COL21A1: variants seen among roughly 807,000 people sequenced by gnomAD.
COL21A1 encodes collagen type XXI alpha 1 chain.
In COL21A1, 149 loss-of-function variants were observed where a neutral mutation model predicts 137.9. The ratio of observed to expected loss-of-function variants is 1.08; its 90% CI spans 0.95 to 1.24. The LOEUF is 1.24. Ranked by LOEUF, COL21A1 falls within the 50% of genes most tolerant of loss-of-function variation. The pLI is 0.00. For missense variants in COL21A1, 1,167 were observed against 1,158.4 expected (o/e 1.01, Z -0.11); for synonymous variants, 456 against 391.5 (o/e 1.16, Z -1.95).
intron 9 of COL21A1, among the ~76,000 whole-genome samples, chr6:56,157,315 T>TC (rs1327113379): frequency 9.3e-4 from 137 of 147,544 alleles, no homozygotes; most frequent in Admixed American, 1.6e-3. Flanking sequence ...GACTTTTTTT[T>TC]TTTTTTTTTT....
intron 1 of COL21A1, chr6:56,331,732 T>G (rs761143580): frequency 6.6e-6 from 1 of 152,144 alleles, no homozygotes; most frequent in Non-Finnish European, 1.5e-5. Flanking sequence ...AGCCTTATTC[T>G]TTTTGTTTAG....
chr6:56,376,216 G>A (rs1017919081), intron 1 of COL21A1, among the ~76,000 whole-genome samples: 8 of 152,170 alleles, frequency 5.3e-5, no homozygotes, highest in Admixed American at 2.6e-4. Context: ...CTTAAGATAA[G>A]GATTAAAACC....
chr6:56,235,009 C>A (rs1490524344), intron 1 of COL21A1, among the ~76,000 whole-genome samples: 3 of 151,854 alleles, frequency 2.0e-5, no homozygotes, highest in African/African-American at 7.2e-5. Context: ...CGCACCTAAA[C>A]CTTCCATTCC....
intron 1 of COL21A1, among the ~76,000 whole-genome samples, chr6:56,229,860 C>A (rs949015439): frequency 6.6e-6 from 1 of 151,834 alleles, no homozygotes; most frequent in African/African-American, 2.4e-5. Context: ...CCTATAAGTA[C>A]AAATTCATCC....
chr6:56,214,377 A>C (rs1450541495), intron 1 of COL21A1, among the ~76,000 whole-genome samples: 4 of 152,130 alleles, frequency 2.6e-5, no homozygotes, highest in Non-Finnish European at 5.9e-5. Context: ...ATCTCACTGA[A>C]TTGAATACAT....
At chr6:56,332,454 C>T (rs1700408522) in intron 1 of COL21A1, among the ~76,000 whole-genome samples, 2 of 143,192 alleles carry the variant, frequency 1.4e-5, no homozygotes, top group Non-Finnish European at 3.0e-5. Context: ...GTGGTTGAAT[C>T]TAGCTGCAAC....
At position 56,148,286 on chromosome 6, in the gene COL21A1, A is replaced by C. The variant is rs181626531; in HGVS notation, c.1435-6303T>G. ...GCAATAAACTGCCCAAGGGTAGGAT[A>C]GTTCATTTGTAGTAAATGGTTCATA... On this transcript the variant is annotated intron_variant, in intron 10 of 29. Coordinates refer to ENST00000244728, the MANE Select transcript of COL21A1 (RefSeq NM_030820.4). Among the ~76,000 whole-genome samples the C allele has an allele frequency of 1.2e-3, 185 of 150,164 alleles. 3 individuals carry two copies. Among genetic ancestry groups the C allele is most frequent in the African/African-American group, 4.2e-3 (173 of 40,944 alleles).
chr6:56,190,872 T>A (rs897290074), intron 1 of COL21A1, among the ~76,000 whole-genome samples: 1 of 152,132 alleles, frequency 6.6e-6, no homozygotes, highest in Non-Finnish European at 1.5e-5. Context: ...AGAAAAGGCC[T>A]TCAACAAAAT....
chr6:56,253,449 G>T (rs1782900551), intron 1 of COL21A1, among the ~76,000 whole-genome samples: 1 of 152,168 alleles, frequency 6.6e-6, no homozygotes, highest in African/African-American at 2.4e-5. Flanking sequence ...TGAACTCCAA[G>T]TACCATGTAA....
At chr6:56,265,101 G>A (rs1280319522) in intron 1 of COL21A1, among the ~76,000 whole-genome samples, 2 of 152,204 alleles carry the variant, frequency 1.3e-5, no homozygotes, top group Admixed American at 1.3e-4. Flanking sequence ...TTGAGCAGGA[G>A]GAGAGGACAG....
At chr6:56,126,186 C>T in intron 12 of COL21A1, 37 bp from the exon 13 acceptor site, 1 of 1,363,548 alleles carries the variant, frequency 7.3e-7, no homozygotes, top group Non-Finnish European at 1.0e-6. Context: ...AAAGAAAAAC[C>T]ATTCCAGCCT....
chr6:56,309,125 C>T (rs1165337839), intron 1 of COL21A1, among the ~76,000 whole-genome samples: 1 of 151,784 alleles, frequency 6.6e-6, no homozygotes, highest in African/African-American at 2.4e-5. Flanking sequence ...TCACTGCAAC[C>T]TCTGCCTCCC....
chr6:56,286,717 G>A (rs1190614910), intron 1 of COL21A1, among the ~76,000 whole-genome samples: 1 of 152,068 alleles, frequency 6.6e-6, no homozygotes. Flanking sequence ...ACTGAAAACT[G>A]TGGATAATAG....
intron 23 of COL21A1, among the ~76,000 whole-genome samples, chr6:56,065,589 TG>T (rs1766170555): frequency 6.6e-6 from 1 of 151,940 alleles, no homozygotes; most frequent in African/African-American, 2.4e-5. Flanking sequence ...ACTCATCCTT[TG>T]TGCAGCCTTG....
chr6:56,326,170 CTTTAAT>C (rs1250388296), intron 1 of COL21A1, among the ~76,000 whole-genome samples: 1 of 117,118 alleles, frequency 8.5e-6, no homozygotes, highest in African/African-American at 2.9e-5. Context: ...GATATGTTGT[CTTTAAT>C]TATCAAAGTT....
chr6:56,190,675 G>A (rs540536182), intron 1 of COL21A1, among the ~76,000 whole-genome samples: 41 of 152,204 alleles, frequency 2.7e-4, no homozygotes, highest in African/African-American at 8.7e-4. Flanking sequence ...GATGAACATC[G>A]ACGCAAAAAT....
chr6:56,325,952 TAA>T (rs1562057911), intron 1 of COL21A1, among the ~76,000 whole-genome samples: 1 of 15,504 alleles, frequency 6.4e-5, no homozygotes, highest in Non-Finnish European at 1.1e-4. Flanking sequence ...ATATATTATA[TAA>T]TATATATAAT....
intron 1 of COL21A1, among the ~76,000 whole-genome samples, chr6:56,269,544 A>G (rs551003957): frequency 1.3e-5 from 2 of 150,732 alleles, no homozygotes; most frequent in South Asian, 4.2e-4. Flanking sequence ...AGTCCCAGCT[A>G]CTTGGGAGGC....
intron 29 of COL21A1, among the ~76,000 whole-genome samples, chr6:56,058,656 A>G (rs1275970729): frequency 6.7e-6 from 1 of 149,758 alleles, no homozygotes; most frequent in East Asian, 1.9e-4. Context: ...ATCATAGCAT[A>G]CATTTATTGA....
Sources: gnomAD v4.1 joint callset for allele counts (sites outside exome capture counted in the v4.1 genomes callset) on GRCh38, gnomAD v4.1.1 for gene constraint, MANE v1.5 for transcripts, NCBI Gene and HGNC (gene_info 2026-07-23, HGNC 2026-07-21) for gene names.